PTPRD: variants seen among roughly 807,000 people sequenced by gnomAD.
The protein encoded by PTPRD is receptor-type tyrosine-protein phosphatase delta.
PTPRD carries 34 observed loss-of-function variants against 214.5 expected under a neutral mutation model. That is an observed-to-expected ratio of 0.16 (90% CI 0.12 to 0.21). PTPRD has a LOEUF of 0.21. PTPRD is among the 10% of genes least tolerant of loss of function. The pLI is 1.00. For synonymous variants in PTPRD, 1,128 were observed against 845.7 expected, an observed-to-expected ratio of 1.33 and a Z score of -5.79; for missense variants, 2,545 against 2,398.7, an observed-to-expected ratio of 1.06 and a Z score of -1.27.
intron 7 of PTPRD, among the ~76,000 whole-genome samples, chr9:9,708,242 T>C (rs983762003): frequency 2.0e-5 from 3 of 151,580 alleles, no homozygotes; most frequent in African/African-American, 7.3e-5. Context: ...GGACATTCCA[T>C]CAGTGATGCA....
At chr9:10,293,366 C>T (rs1358679068) in intron 3 of PTPRD, among the ~76,000 whole-genome samples, 2 of 151,866 alleles carry the variant, frequency 1.3e-5, no homozygotes, top group African/African-American at 2.4e-5. Flanking sequence ...CAGACACACA[C>T]ATTAGAAATG....
At chr9:8,706,606 A>G (rs1313752683) in intron 12 of PTPRD, among the ~76,000 whole-genome samples, 5 of 152,162 alleles carry the variant, frequency 3.3e-5, no homozygotes, top group Non-Finnish European at 7.4e-5. Context: ...GAGCTTAAGA[A>G]AAAAAAGCGC....
chr9:10,492,098 T>G (rs1389654323), intron 2 of PTPRD, among the ~76,000 whole-genome samples: 1 of 152,216 alleles, frequency 6.6e-6, no homozygotes, highest in Admixed American at 6.5e-5. Flanking sequence ...CACATTGTCT[T>G]TATCCAGTCT....
chr9:9,676,250 G>A (rs543487276), intron 7 of PTPRD, among the ~76,000 whole-genome samples: 38 of 151,664 alleles, frequency 2.5e-4, no homozygotes, highest in Non-Finnish European at 4.0e-4. Context: ...AACGTTAGGT[G>A]TATCTCCTAA....
At chr9:8,922,221 A>G (rs561528848) in intron 11 of PTPRD, among the ~76,000 whole-genome samples, 6 of 152,218 alleles carry the variant, frequency 3.9e-5, no homozygotes, top group Non-Finnish European at 8.8e-5. Context: ...GTCCAGTGTT[A>G]ATATATATTT....
intron 9 of PTPRD, among the ~76,000 whole-genome samples, chr9:9,189,210 A>T (rs1034686850): frequency 2.0e-5 from 3 of 152,042 alleles, no homozygotes; most frequent in Non-Finnish European, 4.4e-5. Flanking sequence ...TGCTTTTGAA[A>T]AAATATCCTC....
intron 3 of PTPRD, among the ~76,000 whole-genome samples, chr9:10,126,505 T>G (rs1219825613): frequency 6.6e-6 from 1 of 151,686 alleles, no homozygotes; most frequent in East Asian, 1.9e-4. Flanking sequence ...CACCTAAAAC[T>G]TTAGAATCAA....
chr9:10,375,712 G>A (rs983687870), intron 2 of PTPRD, among the ~76,000 whole-genome samples: 5 of 151,952 alleles, frequency 3.3e-5, no homozygotes, highest in Non-Finnish European at 5.9e-5. Context: ...TTGAGGAGAA[G>A]AGTACTTGAA....
At chr9:10,161,070 A>G (rs1385922386) in intron 3 of PTPRD, among the ~76,000 whole-genome samples, 1 of 151,934 alleles carries the variant, frequency 6.6e-6, no homozygotes, top group Admixed American at 6.6e-5. Flanking sequence ...AATTGAAGAG[A>G]ACACACAGAA....
intron 12 of PTPRD, among the ~76,000 whole-genome samples, chr9:8,680,613 T>C (rs1261828139): frequency 6.6e-6 from 1 of 152,150 alleles, no homozygotes; most frequent in Non-Finnish European, 1.5e-5. Flanking sequence ...ATACTATATA[T>C]GATATTAAAT....
At chr9:9,771,648 T>A (rs2098752716) in intron 5 of PTPRD, among the ~76,000 whole-genome samples, 1 of 152,226 alleles carries the variant, frequency 6.6e-6, no homozygotes, top group African/African-American at 2.4e-5. Flanking sequence ...TTTAACTTCA[T>A]TTTAAATTCC....
At chr9:9,781,791 A>C (rs1333459570) in intron 5 of PTPRD, among the ~76,000 whole-genome samples, 1 of 128,354 alleles carries the variant, frequency 7.8e-6, no homozygotes. Flanking sequence ...TTTTGTCTGG[A>C]CTCATATTTT....
chr9:8,870,889 A>T (rs543329722), intron 11 of PTPRD, among the ~76,000 whole-genome samples: 1 of 152,110 alleles, frequency 6.6e-6, no homozygotes, highest in Non-Finnish European at 1.5e-5. Flanking sequence ...CGAACGGGAT[A>T]TTGGGAAAAG....
At chr9:9,542,821 A>C (rs935482308) in intron 8 of PTPRD, among the ~76,000 whole-genome samples, 1 of 151,672 alleles carries the variant, frequency 6.6e-6, no homozygotes, top group Non-Finnish European at 1.5e-5. Context: ...GTTAACAACC[A>C]TGAGGAGCAA....
At chr9:9,805,821 T>C (rs953258951) in intron 5 of PTPRD, among the ~76,000 whole-genome samples, 1 of 152,102 alleles carries the variant, frequency 6.6e-6, no homozygotes, top group African/African-American at 2.4e-5. Flanking sequence ...CTCAGAAAAA[T>C]ACTCCTATTG....
At chr9:8,558,814 T>G (rs1376997729) in intron 14 of PTPRD, among the ~76,000 whole-genome samples, 2 of 152,196 alleles carry the variant, frequency 1.3e-5, no homozygotes, top group African/African-American at 4.8e-5. Flanking sequence ...TTGACTTACA[T>G]GCAATGGCGA....
intron 11 of PTPRD, among the ~76,000 whole-genome samples, chr9:8,751,547 A>G (rs1023948994): frequency 1.3e-5 from 2 of 152,238 alleles, no homozygotes; most frequent in African/African-American, 4.8e-5. Context: ...AGGCTATTAG[A>G]AAACAGGGCC....
At chr9:9,880,943 C>T (rs956810189) in intron 5 of PTPRD, among the ~76,000 whole-genome samples, 3 of 151,902 alleles carry the variant, frequency 2.0e-5, no homozygotes, top group African/African-American at 7.3e-5. Context: ...TTTAAGTGAA[C>T]AAAAATCTTT....
At chr9:10,032,955 C>A (rs192020591) in intron 4 of PTPRD, among the ~76,000 whole-genome samples, 108 of 151,798 alleles carry the variant, frequency 7.1e-4, no homozygotes, top group Non-Finnish European at 8.5e-4. Context: ...AGTATTCCAC[C>A]CAAACCTCCA....
Sources: allele counts gnomAD v4.1 joint callset (sites outside exome capture counted in the v4.1 genomes callset), GRCh38; gene constraint gnomAD v4.1.1; transcripts MANE v1.5; gene names NCBI Gene and HGNC (gene_info 2026-07-23, HGNC 2026-07-21).